The following PDLIM3 variants were observed in gnomAD, a reference collection of about 807,000 sequenced individuals.
The protein encoded by PDLIM3 is PDZ and LIM domain protein 3.
PDLIM3 carries 36 observed loss-of-function variants against 37.3 expected under a neutral mutation model. The observed-to-expected ratio is 0.97, with a 90% confidence interval of 0.74 to 1.28. The LOEUF is 1.28. Ranked by LOEUF, PDLIM3 falls within the 50% of genes most tolerant of loss-of-function variation. The pLI is 0.00. For synonymous variants in PDLIM3, 174 were observed against 182.4 expected (o/e 0.95, Z 0.37); for missense variants, 454 against 485.0 (o/e 0.94, Z 0.60).
At chr4:185,503,587 A>T (rs1221550736) in intron 7 of PDLIM3, among the ~76,000 whole-genome samples, 3 of 152,246 alleles carry the variant, frequency 2.0e-5, no homozygotes, top group Non-Finnish European at 4.4e-5. Context: ...ACATGGCACG[A>T]ATGCCATGGA....
intron 5 of PDLIM3, 79 bp from the exon 6 acceptor site, chr4:185,506,731 T>C: frequency 7.2e-7 from 1 of 1,393,262 alleles, no homozygotes; most frequent in Non-Finnish European, 1.0e-6. Flanking sequence ...ACATCAATAC[T>C]CAGCCATTAC....
intron 1 of PDLIM3, among the ~76,000 whole-genome samples, chr4:185,527,322 T>G (rs7691485): frequency 0.69 from 104,494 of 152,226 alleles, 41,140 homozygotes; most frequent in Non-Finnish European, 0.87. Context: ...TGCTTTTTCT[T>G]TATTTGCTTA....
intron 1 of PDLIM3, among the ~76,000 whole-genome samples, chr4:185,530,621 C>T (rs1440981437): frequency 1.3e-5 from 2 of 152,176 alleles, no homozygotes; most frequent in Non-Finnish European, 1.5e-5. Flanking sequence ...TTATTTTCTG[C>T]AGTTTCAGTT....
chr4:185,535,485 C>A lies in PDLIM3; in HGVS notation c.-51G>T, dbSNP rs752818808. On this transcript the variant is annotated 5_prime_UTR_variant, in exon 1 of 8. Coordinates refer to ENST00000284767, the MANE Select transcript of PDLIM3 (RefSeq NM_014476.6). ...TCTAAGTGTCCCCGCGCAGGGCAGC[C>A]ACTCCGCGCCGGGCGGCGTCCTGGC... is the stretch of plus-strand genomic sequence containing the variant. 8 of 1,480,106 alleles carry A rather than the reference C, an allele frequency of 5.4e-6. No homozygotes were observed. In the East Asian group the frequency reaches 2.1e-4, roughly 39 times the overall value. 91.7% of individuals were successfully genotyped at this position (1,480,106 alleles called of 1,614,324 possible). A position where few individuals can be genotyped will look rare whatever the true frequency, so the allele number is the denominator to read the frequency against.
In PDLIM3 at chr4:185,514,396, G is replaced by A; in HGVS notation, c.331-59C>T. Reference sequence around the variant, plus strand: ...GGAAGGCGGACACTGTTGCAGATAAGATTAAACGAACGATAGTTGTACAGG... The same window carrying A: ...GGAAGGCGGACACTGTTGCAGATAAAATTAAACGAACGATAGTTGTACAGG... On this transcript the variant is annotated intron_variant, in intron 3 of 7. Transcript: ENST00000284767. This position sits in a 1 kb window ranked among gnomAD's most constrained non-coding sequence, Gnocchi z 4.0. 6.2e-7 allele frequency: 1 copy of A among 1,614,040 alleles called. No individual in the cohort carries two copies. Among genetic ancestry groups the A allele is most frequent in the East Asian group, 2.2e-5 (1 of 44,878 alleles).
intron 7 of PDLIM3, among the ~76,000 whole-genome samples, chr4:185,503,180 C>T (rs557535203): frequency 2.6e-5 from 4 of 152,174 alleles, no homozygotes; most frequent in East Asian, 3.9e-4. Context: ...GCCGAGATCG[C>T]GCCACTGCAC....
At chr4:185,503,890 G>A (rs561285818) in intron 7 of PDLIM3, among the ~76,000 whole-genome samples, 1 of 152,354 alleles carries the variant, frequency 6.6e-6, no homozygotes, top group Non-Finnish European at 1.5e-5. Flanking sequence ...GGAGCTTGCA[G>A]TGAGCCAAGA....
rs2095692150 is a variant in PDLIM3, at chr4:185,504,053, A to T, written c.905+422T>A. 1.9e-5 allele frequency among the ~76,000 whole-genome samples: 1 copy of T among 52,524 alleles called. No individual in the cohort carries two copies. Among genetic ancestry groups the T allele is most frequent in the African/African-American group, 4.5e-5 (1 of 22,436 alleles). 34.5% of individuals were successfully genotyped at this position (52,524 alleles called of 152,430 possible). ...GTAAGGATAATGTATTTTAAGTAAC[A>T]TCCTGTTGCCTGTATTTGTTTCCCT... On this transcript the variant is annotated intron_variant, in intron 7 of 7. Transcript: ENST00000284767. This position sits in a 1 kb window ranked among gnomAD's most constrained non-coding sequence, Gnocchi z 4.7.
At chr4:185,519,268 T>C (rs2095719207) in intron 3 of PDLIM3, among the ~76,000 whole-genome samples, 1 of 152,164 alleles carries the variant, frequency 6.6e-6, no homozygotes, top group Non-Finnish European at 1.5e-5. Flanking sequence ...AGCTATTTGA[T>C]GATAGCATGG....
chr4:185,525,050 G>A lies in PDLIM3; in HGVS notation c.215C>T (p.Ala72Val). Residue 72 changes from alanine (A) to valine (V), a missense_variant, in exon 2 of 8, where the codon GCA (alanine) becomes GTA (valine). Coordinates refer to ENST00000284767, the MANE Select transcript of PDLIM3 (RefSeq NM_014476.6). ...HADAQDRIKA[A>V]AHQLCLKIDR... Reference sequence around the variant, plus strand: ...AATTTTGAGACACAGCTGGTGAGCTGCTGCTTTAATCCTGTCCTGCGCATC... The same window carrying A: ...AATTTTGAGACACAGCTGGTGAGCTACTGCTTTAATCCTGTCCTGCGCATC... 6.2e-7 allele frequency: 1 copy of A among 1,614,152 alleles called. No individual in the cohort carries two copies. The highest frequency in any genetic ancestry group is 8.5e-7 in the Non-Finnish European group (1 of 1,179,986).
chr4:185,506,467 G>A (rs1384341715), intron 6 of PDLIM3, 55 bp downstream of exon 6: 8 of 1,604,902 alleles, frequency 5.0e-6, no homozygotes, highest in South Asian at 1.1e-5. Flanking sequence ...TCCCCGTCCC[G>A]CCCCCTGCAG....
chr4:185,505,968 G>A (rs2095696172), intron 6 of PDLIM3, among the ~76,000 whole-genome samples: 1 of 152,188 alleles, frequency 6.6e-6, no homozygotes, highest in African/African-American at 2.4e-5. Flanking sequence ...ACGGGAGTGG[G>A]CTGGAGACCC....
chr4:185,513,555 G>C (rs917439482), intron 4 of PDLIM3: 5 of 983,344 alleles, frequency 5.1e-6, no homozygotes, highest in South Asian at 9.4e-5. Flanking sequence ...AATAAAACAT[G>C]CCTGTGAAAT....
rs2095688579 is a variant in PDLIM3 at position 185,502,414 on chromosome 4, G to A, written c.975C>T (p.Leu325=). 1.2e-6 allele frequency: 2 copies of A among 1,614,096 alleles called. No individual in the cohort carries two copies. The highest frequency in any genetic ancestry group is 1.7e-5 in the Admixed American group (1 of 59,996). The stretch of plus-strand genomic sequence containing the variant: ...AGAAGTAGCCCTTTTGCTTGAGGTT[G>A]AGGTTGCAGTCGGCACACACGAAGC... The part of the protein sequence containing the change: ...PECFVCADCN[L]NLKQKGYFFI... The change falls in exon 8 of 8, where the codon CTC becomes CTT. Residue 325 remains leucine, a synonymous_variant. Transcript: ENST00000284767.
chr4:185,507,650 T>C (rs2095699867), intron 5 of PDLIM3, among the ~76,000 whole-genome samples: 1 of 152,172 alleles, frequency 6.6e-6, no homozygotes, highest in African/African-American at 2.4e-5. Context: ...AATAAATCTT[T>C]TTAATCAAAA....
chr4:185,533,227 C>T (rs2095747810), intron 1 of PDLIM3, among the ~76,000 whole-genome samples: 1 of 152,190 alleles, frequency 6.6e-6, no homozygotes, highest in South Asian at 2.1e-4. Flanking sequence ...CAACCTCACA[C>T]ACTGCCTTTC....
At chr4:185,503,042 A>G (rs1251526644) in intron 7 of PDLIM3, among the ~76,000 whole-genome samples, 3 of 152,110 alleles carry the variant, frequency 2.0e-5, no homozygotes, top group Admixed American at 2.0e-4. Flanking sequence ...CCTGGCTAAC[A>G]CGGTGAAACC....
chr4:185,510,220 G>A (rs2095704377), intron 4 of PDLIM3, among the ~76,000 whole-genome samples: 1 of 152,152 alleles, frequency 6.6e-6, no homozygotes, highest in Admixed American at 6.5e-5. Context: ...TATGAAATCA[G>A]TTTAGGGATT....
In PDLIM3 at chr4:185,514,997, C is replaced by G. The variant is rs768951719; in HGVS notation, c.331-660G>C. ...TTAATAAAGGCATCTTTACCCACGA[C>G]GAGATTGACGGAAAGATTAGAGGAG... On this transcript the variant is annotated intron_variant, in intron 3 of 7. Coordinates refer to ENST00000284767, the MANE Select transcript of PDLIM3 (RefSeq NM_014476.6). The surrounding 1 kb of genome is among the most constrained non-coding windows in gnomAD (Gnocchi z 4.0). 19 of 833,282 alleles carry G rather than the reference C, an allele frequency of 2.3e-5. No individual in the cohort carries two copies. The highest frequency in any genetic ancestry group is 3.1e-5 in the Admixed American group (1 of 32,728). The allele number at this position is 833,282 out of a possible 1,614,324, so 51.6% of individuals were successfully genotyped here. A position where few individuals can be genotyped will look rare whatever the true frequency, so the allele number is the denominator to read the frequency against.
Sources: gnomAD v4.1 joint callset for allele counts (sites outside exome capture counted in the v4.1 genomes callset) on GRCh38, gnomAD v4.1.1 for gene constraint, Gnocchi (gnomAD v3.1) non-coding constraint, MANE v1.5 for transcripts, NCBI Gene and HGNC (gene_info 2026-07-23, HGNC 2026-07-21) for gene names.